TEX264: variants seen among roughly 807,000 people sequenced by gnomAD.
TEX264 encodes the protein testis-expressed protein 264.
In TEX264, 13 loss-of-function variants were observed where a neutral mutation model predicts 23.4. The ratio of observed to expected loss-of-function variants is 0.56; its 90% CI spans 0.36 to 0.88. The LOEUF is 0.88. Ranked by LOEUF, TEX264 falls within the 40% of genes least tolerant of loss-of-function variation. The probability of loss-of-function intolerance (pLI) is 0.01; values close to 1 mark genes in which losing one functional copy is unlikely to be tolerated. For synonymous variants in TEX264, 159 were observed against 170.0 expected, an observed-to-expected ratio of 0.94 and a Z score of 0.50; for missense variants, 340 against 406.8, an observed-to-expected ratio of 0.84 and a Z score of 1.41.
At position 51,703,728 on chromosome 3, in the gene TEX264, T is replaced by C. The variant is rs1012551454; in HGVS notation, c.654T>C (p.Ala218=). The C allele has an allele frequency of 5.7e-6, 9 of 1,584,544 alleles. No individual in the cohort carries two copies. Among genetic ancestry groups the C allele is most frequent in the Non-Finnish European group, 7.8e-6 (9 of 1,159,084 alleles). The change falls in exon 5 of 5, where the codon GCT becomes GCC. Residue 218 remains alanine, a synonymous_variant. Transcript: ENST00000341333. The surrounding 1 kb of genome is among the most constrained non-coding windows in gnomAD (Gnocchi z 4.8). ...GCTCCCTTTTCCTGGTCATAGGAGC[T>C]GACACAATGAGTGACACGAGTTCTG... ...AIDTQVDGTG[A]DTMSDTSSVS...
At chr3:51,697,665 C>T (rs1305417514) in intron 3 of TEX264, among the ~76,000 whole-genome samples, 2 of 152,222 alleles carry the variant, frequency 1.3e-5, no homozygotes, top group Non-Finnish European at 2.9e-5. Context: ...GAGTTGGGTT[C>T]AGGTTTGGCA....
At chr3:51,677,239 C>G (rs1702261318) in intron 2 of TEX264, among the ~76,000 whole-genome samples, 1 of 152,158 alleles carries the variant, frequency 6.6e-6, no homozygotes, top group African/African-American at 2.4e-5. Context: ...TGCTCTGTAC[C>G]AGGCTCTGTG....
At position 51,691,252 on chromosome 3, in the gene TEX264, AC is replaced by A. The variant is rs1394448348; in HGVS notation, c.480+6621del. Among the ~76,000 whole-genome samples the A allele has an allele frequency of 6.6e-6, 1 of 152,100 alleles. No individual in the cohort carries two copies. Among genetic ancestry groups the A allele is most frequent in the East Asian group, 1.9e-4 (1 of 5,174 alleles). ...GCACCTTATCGGGCCTCTTGTCCAC[AC>A]CCTCAGTGAGGCAGAGGCGGTTCTA... On this transcript the variant is annotated intron_variant, in intron 3 of 4. Coordinates refer to ENST00000341333, the MANE Select transcript of TEX264 (RefSeq NM_015926.6). This position sits in a 1 kb window ranked among gnomAD's most constrained non-coding sequence, Gnocchi z 4.4.
Position 51,704,059 on chromosome 3 carries a change from GAGCAGACTCTCC to G in TEX264, c.*59_*70del, listed in dbSNP as rs772556980. 3.6e-5 allele frequency: 51 copies of G among 1,414,360 alleles called. No individual in the cohort carries two copies. In the Admixed American group the frequency reaches 6.9e-4, roughly 19 times the overall value. The allele number at this position is 1,414,360 out of a possible 1,614,324, so 87.6% of individuals were successfully genotyped here. ...CCTGCAGTGCAGTTGCTGAGGAACTGAGCAGACTCTCCAGCAGACTCTCCAGCCCTCTTCCTC... is the reference window on the plus strand; with the variant it reads ...CCTGCAGTGCAGTTGCTGAGGAACTGAGCAGACTCTCCAGCCCTCTTCCTC... On this transcript the variant is annotated 3_prime_UTR_variant, in exon 5 of 5. Coordinates refer to ENST00000341333, the MANE Select transcript of TEX264 (RefSeq NM_015926.6).
chr3:51,694,074 T>TCCTC (rs1702950514), intron 3 of TEX264, among the ~76,000 whole-genome samples: 1 of 114,748 alleles, frequency 8.7e-6, no homozygotes, highest in African/African-American at 3.7e-5. Flanking sequence ...CCCTTCCCCT[T>TCCTC]CCTTCCGTCC....
chr3:51,692,510 CCT>C (rs1296577102), intron 3 of TEX264, among the ~76,000 whole-genome samples: 1 of 152,198 alleles, frequency 6.6e-6, no homozygotes, highest in Non-Finnish European at 1.5e-5. Context: ...TCTTCTGTCC[CCT>C]GTCTCCTCTC....
At chr3:51,698,922 G>T (rs1703173586) in intron 3 of TEX264, among the ~76,000 whole-genome samples, 1 of 152,154 alleles carries the variant, frequency 6.6e-6, no homozygotes, top group Admixed American at 6.5e-5. Context: ...TGGGGGTGCT[G>T]GTCTTCTGAT....
Position 51,699,722 on chromosome 3 carries a change from A to G in TEX264, c.649+148A>G, listed in dbSNP as rs923493005. The G allele has an allele frequency of 2.3e-4, 195 of 836,360 alleles. 3 individuals are homozygous for G. Among genetic ancestry groups the G allele is most frequent in the Middle Eastern group, 1.8e-3 (5 of 2,728 alleles). The allele number at this position is 836,360 out of a possible 1,614,324, so 51.8% of individuals were successfully genotyped here. A position where few individuals can be genotyped will look rare whatever the true frequency, so the allele number is the denominator to read the frequency against. ...GCAGAGGGAGGAAGGAGACCCACCTACCTGAGGACCCACATGTGGAGTTGC... is the reference window on the plus strand; with the variant it reads ...GCAGAGGGAGGAAGGAGACCCACCTGCCTGAGGACCCACATGTGGAGTTGC... On this transcript the variant is annotated intron_variant, in intron 4 of 4. Transcript: ENST00000341333.
intron 3 of TEX264, among the ~76,000 whole-genome samples, chr3:51,698,297 C>G (rs1703147346): frequency 6.6e-6 from 1 of 152,172 alleles, no homozygotes; most frequent in African/African-American, 2.4e-5. Context: ...CCTTGCCAGG[C>G]AATAAGTCTC....
At chr3:51,693,994 C>A (rs1032199056) in intron 3 of TEX264, among the ~76,000 whole-genome samples, 1 of 15,696 alleles carries the variant, frequency 6.4e-5, no homozygotes, top group Non-Finnish European at 1.2e-4. Flanking sequence ...TTCTTTCCTT[C>A]CTTCCTTCCT....
At position 51,699,581 on chromosome 3, in the gene TEX264, A is replaced by T. The variant is rs767253995; in HGVS notation, c.649+7A>T. 1.9e-6 allele frequency: 3 copies of T among 1,613,442 alleles called. No individual in the cohort carries two copies. In the Admixed American group the frequency reaches 5.0e-5, roughly 27 times the overall value. The stretch of plus-strand genomic sequence containing the variant: ...ACCCAGGTGGATGGCACAGGTACAG[A>T]AGGTGGGGTATGAGGATGGGGCCCT... On this transcript the variant is annotated splice_region_variant and intron_variant, in intron 4 of 4. Coordinates refer to ENST00000341333, the MANE Select transcript of TEX264 (RefSeq NM_015926.6).
At chr3:51,693,272 C>G (rs1335519391) in intron 3 of TEX264, among the ~76,000 whole-genome samples, 2 of 152,172 alleles carry the variant, frequency 1.3e-5, no homozygotes, top group African/African-American at 2.4e-5. Context: ...GCGCAGCAGG[C>G]TGGGGTGCCA....
chr3:51,674,694 T>C (rs1386508240), intron 2 of TEX264, 132 bp downstream of exon 2: 6 of 1,098,852 alleles, frequency 5.5e-6, no homozygotes, highest in South Asian at 3.1e-5. Context: ...CCCTCCTCTA[T>C]GAGCTTGAAG....
At chr3:51,671,806 A>G (rs976819568) in intron 1 of TEX264, 1 of 152,302 alleles carries the variant, frequency 6.6e-6, no homozygotes, top group Admixed American at 6.5e-5. Flanking sequence ...AGTTTAGCCC[A>G]GGACGGGGGC....
At chr3:51,690,944 T>C (rs1157069037) in intron 3 of TEX264, among the ~76,000 whole-genome samples, 1 of 152,252 alleles carries the variant, frequency 6.6e-6, no homozygotes, top group Non-Finnish European at 1.5e-5. Flanking sequence ...GATGGCTATA[T>C]GCCTTTTGCC....
intron 2 of TEX264, among the ~76,000 whole-genome samples, chr3:51,680,097 G>A (rs1379084975): frequency 6.6e-6 from 1 of 152,202 alleles, no homozygotes. Context: ...GGGTAGCTCT[G>A]GGTCAGTGGG....
In TEX264 at chr3:51,674,262, C is replaced by T; in HGVS notation, c.-34-9C>T. The T allele has an allele frequency of 6.2e-7, 1 of 1,610,914 alleles. No homozygotes were observed. Among genetic ancestry groups the T allele is most frequent in the Non-Finnish European group, 8.5e-7 (1 of 1,177,454 alleles). ...TACCAGCCTCCTCTCCCTTCTTTCTCCTTTGCAGCTGCCTTGAGGTGCAGT... is the reference window on the plus strand; with the variant it reads ...TACCAGCCTCCTCTCCCTTCTTTCTTCTTTGCAGCTGCCTTGAGGTGCAGT... On this transcript the variant is annotated splice_polypyrimidine_tract_variant and intron_variant, in intron 1 of 4. Coordinates refer to ENST00000341333, the MANE Select transcript of TEX264 (RefSeq NM_015926.6).
At chr3:51,701,637 G>A (rs778289029) in intron 4 of TEX264, among the ~76,000 whole-genome samples, 1 of 150,316 alleles carries the variant, frequency 6.7e-6, no homozygotes, top group African/African-American at 2.4e-5. Context: ...CCTTTTTTTT[G>A]TTTGTTTGTT....
At chr3:51,694,029 TC>T (rs1702936952) in intron 3 of TEX264, among the ~76,000 whole-genome samples, 1 of 139,006 alleles carries the variant, frequency 7.2e-6, no homozygotes, top group South Asian at 2.4e-4. Context: ...CTTCCTTCCT[TC>T]CTTCCTTCCT....
Sources: gnomAD v4.1 joint callset for allele counts (sites outside exome capture counted in the v4.1 genomes callset) on GRCh38, gnomAD v4.1.1 for gene constraint, Gnocchi (gnomAD v3.1) non-coding constraint, MANE v1.5 for transcripts, NCBI Gene and HGNC (gene_info 2026-07-23, HGNC 2026-07-21) for gene names.